Variants in GRIK3 observed in about 807,000 individuals in gnomAD.
GRIK3 encodes the protein glutamate ionotropic receptor kainate type subunit 3.
Under a neutral mutation model 102.5 loss-of-function variants are expected in GRIK3, and 29 were observed. The observed-to-expected ratio is 0.28, with a 90% CI of 0.21 to 0.39. The LOEUF is 0.39. GRIK3 is among the 10% of genes least tolerant of loss of function. The probability of loss-of-function intolerance (pLI) is 1.00; values close to 1 mark genes in which losing one functional copy is unlikely to be tolerated. For synonymous variants in GRIK3, 511 were observed against 504.9 expected, an observed-to-expected ratio of 1.01 and a Z score of -0.16; for missense variants, 908 against 1,252.4, an observed-to-expected ratio of 0.73 and a Z score of 4.15.
Position 36,817,207 on chromosome 1 carries a change from G to T in GRIK3, c.1944C>A (p.Ile648=), listed in dbSNP as rs769279012. The T allele has an allele frequency of 1.9e-6, 3 of 1,613,928 alleles. No individual in the cohort carries two copies. The highest frequency in any genetic ancestry group is 1.7e-6 in the Non-Finnish European group (2 of 1,179,808). ...GGTTGGCCGTGTAGGAAGAGATGATGATGAGCGTGAAGAACCACCAGATGC... is the reference window on the plus strand; with the variant it reads ...GGTTGGCCGTGTAGGAAGAGATGATTATGAGCGTGAAGAACCACCAGATGC... The part of the protein sequence containing the change: ...IGGIWWFFTL[I]IISSYTANLA... Residue 648 remains isoleucine, a synonymous_variant, in exon 13 of 16, where the codon ATC becomes ATA. Coordinates refer to ENST00000373091, the MANE Select transcript of GRIK3 (RefSeq NM_000831.4).
At chr1:37,023,082 A>G (rs1459966582) in intron 1 of GRIK3, among the ~76,000 whole-genome samples, 1 of 152,182 alleles carries the variant, frequency 6.6e-6, no homozygotes, top group East Asian at 1.9e-4. Context: ...TAATCTGAGC[A>G]CTTTGGGAGG....
At chr1:36,859,494 A>T (rs1360431335) in intron 6 of GRIK3, among the ~76,000 whole-genome samples, 2 of 47,836 alleles carry the variant, frequency 4.2e-5, no homozygotes, top group African/African-American at 8.0e-5. Flanking sequence ...CTGCCCACCC[A>T]CCCCACCCCT....
At position 36,878,315 on chromosome 1, in the gene GRIK3, A is replaced by C. The variant is rs112794755; in HGVS notation, c.550+2319T>G. On this transcript the variant is annotated intron_variant, in intron 3 of 15. Coordinates refer to ENST00000373091, the MANE Select transcript of GRIK3 (RefSeq NM_000831.4). ...TGGCAAGGTCTTCATGCTGGGGTGAATAAGCCAGGCTGGGGATCCCTGCTC... is the reference window on the plus strand; with the variant it reads ...TGGCAAGGTCTTCATGCTGGGGTGACTAAGCCAGGCTGGGGATCCCTGCTC... Among the ~76,000 whole-genome samples, 508 of 152,362 alleles carry C rather than the reference A, an allele frequency of 3.3e-3. 4 individuals are homozygous for C. The highest frequency in any genetic ancestry group is 0.012 in the African/African-American group (490 of 41,588).
chr1:36,966,777 C>T (rs1389528202), intron 1 of GRIK3, among the ~76,000 whole-genome samples: 1 of 152,004 alleles, frequency 6.6e-6, no homozygotes, highest in Non-Finnish European at 1.5e-5. Flanking sequence ...CCCCCCAACC[C>T]CTTGGCATTC....
intron 1 of GRIK3, among the ~76,000 whole-genome samples, chr1:36,894,763 G>C (rs1249824797): frequency 6.6e-6 from 1 of 152,176 alleles, no homozygotes; most frequent in Non-Finnish European, 1.5e-5. Context: ...GGCCTTCACT[G>C]GGCCCCCACG....
intron 1 of GRIK3, among the ~76,000 whole-genome samples, chr1:36,948,267 G>A (rs184944627): frequency 3.9e-5 from 6 of 152,318 alleles, no homozygotes; most frequent in Admixed American, 1.3e-4. Context: ...GAAGGCTGAC[G>A]CCCTACTATG....
At position 36,815,228 on chromosome 1, in the gene GRIK3, T is replaced by A. The variant is rs148832388; in HGVS notation, c.2091+1832A>T. ...TCAACCAACATCCCTCTTGGCAACA[T>A]CCAAGAGGGAAGCTCCTTTCCTCAC... is the stretch of plus-strand genomic sequence containing the variant. On this transcript the variant is annotated intron_variant, in intron 13 of 15. Coordinates refer to ENST00000373091, the MANE Select transcript of GRIK3 (RefSeq NM_000831.4). Among the ~76,000 whole-genome samples the A allele has an allele frequency of 1.3e-3, 198 of 152,240 alleles. 1 individual carries two copies. Among genetic ancestry groups the A allele is most frequent in the Admixed American group, 6.6e-3 (101 of 15,302 alleles).
Position 37,034,140 on chromosome 1 carries a change from G to T in GRIK3, c.-32C>A. 1 of 1,170,210 alleles carries T rather than the reference G, an allele frequency of 8.5e-7. No individual in the cohort carries two copies. The highest frequency in any genetic ancestry group is 1.2e-6 in the Non-Finnish European group (1 of 837,216). 72.5% of individuals were successfully genotyped at this position (1,170,210 alleles called of 1,614,324 possible). ...GCGCCGCCGAGCGTGCCCGGGGCGC[G>T]GCCGTGGCGGGCTCCCTGGGGCGGC... On this transcript the variant is annotated 5_prime_UTR_variant, in exon 1 of 16. Coordinates refer to ENST00000373091, the MANE Select transcript of GRIK3 (RefSeq NM_000831.4).
chr1:36,974,703 G>A (rs935064779), intron 1 of GRIK3, among the ~76,000 whole-genome samples: 6 of 151,658 alleles, frequency 4.0e-5, no homozygotes, highest in Admixed American at 3.3e-4. Context: ...GGGAGGCTGA[G>A]GCAGGAGAAT....
intron 1 of GRIK3, among the ~76,000 whole-genome samples, chr1:36,961,155 G>A (rs1257719803): frequency 1.3e-5 from 2 of 152,218 alleles, no homozygotes; most frequent in Admixed American, 1.3e-4. Context: ...TAGGCTCCAT[G>A]CAACACACTG....
rs1358912697 is a variant in GRIK3 at position 36,850,488 on chromosome 1, G to A, written c.1213-64C>T. The A allele has an allele frequency of 7.7e-6, 7 of 903,686 alleles. No individual in the cohort carries two copies. Among genetic ancestry groups the A allele is most frequent in the African/African-American group, 3.2e-5 (2 of 61,800 alleles). The allele number at this position is 903,686 out of a possible 1,614,324, so 56.0% of individuals were successfully genotyped here. A position where few individuals can be genotyped will look rare whatever the true frequency, so the allele number is the denominator to read the frequency against. On this transcript the variant is annotated intron_variant, in intron 8 of 15. Coordinates refer to ENST00000373091, the MANE Select transcript of GRIK3 (RefSeq NM_000831.4). This position sits in a 1 kb window ranked among gnomAD's most constrained non-coding sequence, Gnocchi z 4.0. ...TGGTCTACCCATCTTCCTCCATATC[G>A]ACAAGACCTTCATCTCATTCCCATT... is the stretch of plus-strand genomic sequence containing the variant.
At chr1:36,853,840 T>G in intron 7 of GRIK3, 118 bp from the exon 8 acceptor site, 1 of 664,108 alleles carries the variant, frequency 1.5e-6, no homozygotes, top group African/African-American at 1.8e-5. Flanking sequence ...CCCAAGACCA[T>G]GATTAATTAA....
In GRIK3 at chr1:36,880,997, C is replaced by T; in HGVS notation, c.293-106G>A. 1 of 1,247,352 alleles carries T rather than the reference C, an allele frequency of 8.0e-7. No individual in the cohort carries two copies. The highest frequency in any genetic ancestry group is 1.5e-5 in the South Asian group (1 of 68,772). The allele number at this position is 1,247,352 out of a possible 1,614,324, so 77.3% of individuals were successfully genotyped here. Reference sequence around the variant, plus strand: ...CATGTGGGAAAAACAGCAACTGGAACCCTCGGTGGGTGCACAATGGATGAG... The same window carrying T: ...CATGTGGGAAAAACAGCAACTGGAATCCTCGGTGGGTGCACAATGGATGAG... On this transcript the variant is annotated intron_variant, in intron 2 of 15. Coordinates refer to ENST00000373091, the MANE Select transcript of GRIK3 (RefSeq NM_000831.4). The surrounding 1 kb of genome is among the most constrained non-coding windows in gnomAD (Gnocchi z 5.4).
chr1:36,968,776 C>A (rs1642107174), intron 1 of GRIK3, among the ~76,000 whole-genome samples: 1 of 152,208 alleles, frequency 6.6e-6, no homozygotes, highest in African/African-American at 2.4e-5. Context: ...AACGTGGCTC[C>A]CATTTCCCCA....
rs774288682 is a variant in GRIK3, at chr1:36,850,256, G to A, written c.1326+55C>T. On this transcript the variant is annotated intron_variant, in intron 9 of 15. Coordinates refer to ENST00000373091, the MANE Select transcript of GRIK3 (RefSeq NM_000831.4). The surrounding 1 kb of genome is among the most constrained non-coding windows in gnomAD (Gnocchi z 4.0). ...ATAGAGGGGACTCTCCAGCCCGAAC[G>A]GCCACCCCACCCCCAGGTCGGACAG... is the stretch of plus-strand genomic sequence containing the variant. 9.9e-5 allele frequency: 113 copies of A among 1,136,766 alleles called. No individual in the cohort carries two copies. In the East Asian group the frequency reaches 1.5e-3, roughly 15 times the overall value. 70.4% of individuals were successfully genotyped at this position (1,136,766 alleles called of 1,614,324 possible). A position where few individuals can be genotyped will look rare whatever the true frequency, so the allele number is the denominator to read the frequency against.
chr1:36,863,342 T>C (rs530428932), intron 5 of GRIK3, among the ~76,000 whole-genome samples: 1 of 152,266 alleles, frequency 6.6e-6, no homozygotes, highest in East Asian at 1.9e-4. Context: ...CTTTCTAAGG[T>C]ATAAATCCAA....
chr1:36,995,408 G>A (rs536282690), intron 1 of GRIK3, among the ~76,000 whole-genome samples: 3 of 152,210 alleles, frequency 2.0e-5, no homozygotes, highest in Admixed American at 6.5e-5. Flanking sequence ...GGATGGCCAG[G>A]GTCCACAAAC....
intron 1 of GRIK3, among the ~76,000 whole-genome samples, chr1:36,940,008 C>G (rs1424053289): frequency 6.6e-6 from 1 of 152,224 alleles, no homozygotes; most frequent in Non-Finnish European, 1.5e-5. Context: ...ATTCTCGGAG[C>G]TGGGTACACA....
At chr1:36,825,558 G>C in intron 11 of GRIK3, 45 bp downstream of exon 11, 1 of 1,365,736 alleles carries the variant, frequency 7.3e-7, no homozygotes, top group East Asian at 2.4e-5. Flanking sequence ...CTAACCCCTA[G>C]ACCTTCAACC....
Sources: allele counts gnomAD v4.1 joint callset (sites outside exome capture counted in the v4.1 genomes callset), GRCh38; gene constraint gnomAD v4.1.1; non-coding constraint Gnocchi (gnomAD v3.1); transcripts MANE v1.5; gene names NCBI Gene and HGNC (gene_info 2026-07-23, HGNC 2026-07-21).